DAAM2: variants seen among roughly 807,000 people sequenced by gnomAD.
DAAM2 encodes dishevelled associated activator of morphogenesis 2.
A neutral mutation model predicts 120.7 loss-of-function variants in DAAM2; 39 were observed. That is an observed-to-expected ratio of 0.32 (90% CI 0.25 to 0.42). The LOEUF (loss-of-function observed/expected upper bound fraction) is 0.42, where lower values mean the gene tolerates loss of function less well. Ranked by LOEUF, DAAM2 falls within the 10% of genes least tolerant of loss-of-function variation. DAAM2 has a pLI of 1.00. For synonymous variants in DAAM2, 488 were observed against 524.9 expected, an observed-to-expected ratio of 0.93 and a Z score of 0.96; for missense variants, 1,283 against 1,401.7, an observed-to-expected ratio of 0.92 and a Z score of 1.35.
intron 14 of DAAM2, chr6:39,881,854 A>C (rs905794586): frequency 2.0e-5 from 3 of 152,144 alleles, no homozygotes; most frequent in Non-Finnish European, 2.9e-5. Flanking sequence ...TGTTTGAAGT[A>C]TGTTATCTCA....
At position 39,879,368 on chromosome 6, in the gene DAAM2, T is replaced by G. The variant is rs562014629; in HGVS notation, c.1736T>G (p.Leu579Arg). 76 of 1,552,764 alleles carry G rather than the reference T, an allele frequency of 4.9e-5. No homozygotes were observed. The East Asian group carries it at 1.7e-3, about 34-fold the overall frequency. The change falls in exon 14 of 25, where the codon CTG becomes CGG. Residue 579 changes from leucine to arginine, a missense_variant. Coordinates refer to ENST00000274867, the MANE Select transcript of DAAM2 (RefSeq NM_001201427.2). ...PGAPPCLGMG[L>R]PLPQDPYPSS... is the part of the protein sequence containing the mutation. The stretch of plus-strand genomic sequence containing the variant: ...GCCCCACCTTGCCTCGGCATGGGCC[T>G]GCCCCTCCCTCAGGACCCCTACCCC...
chr6:39,801,829 T>G (rs1187438318), intron 1 of DAAM2, among the ~76,000 whole-genome samples: 1 of 152,212 alleles, frequency 6.6e-6, no homozygotes, highest in Non-Finnish European at 1.5e-5. Context: ...AACACTCCCT[T>G]CCTTGTTTCC....
At chr6:39,851,351 A>AGTTTTTGTGGCTTTT (rs1763800245) in intron 1 of DAAM2, among the ~76,000 whole-genome samples, 1 of 152,134 alleles carries the variant, frequency 6.6e-6, no homozygotes, top group African/African-American at 2.4e-5. Flanking sequence ...TCTGAACCAC[A>AGTTTTTGTGGCTTTT]GTTTTTGTGG....
intron 1 of DAAM2, chr6:39,856,006 T>C (rs1257922239): frequency 1.0e-6 from 1 of 984,194 alleles, no homozygotes; most frequent in Non-Finnish European, 1.2e-6. Context: ...TGAAAGTGTC[T>C]TGGCAGATAA....
intron 1 of DAAM2, among the ~76,000 whole-genome samples, chr6:39,834,135 C>A (rs1763018595): frequency 6.6e-6 from 1 of 152,260 alleles, no homozygotes; most frequent in African/African-American, 2.4e-5. Context: ...TGTGATGTAG[C>A]GCCTTGAATA....
In DAAM2 at chr6:39,809,341, C is replaced by T. The variant is rs1023073288; in HGVS notation, c.-57+16876C>T. On this transcript the variant is annotated intron_variant, in intron 1 of 24. Transcript: ENST00000274867. ...TAATTTACCTAGTTCATTGCTCTTC[C>T]GTGACCAACCTCACAGGCCTCAGTT... 7.2e-4 allele frequency among the ~76,000 whole-genome samples: 109 copies of T among 152,294 alleles called. 1 individual carries two copies. Among genetic ancestry groups the T allele is most frequent in the African/African-American group, 2.1e-3 (87 of 41,556 alleles).
At chr6:39,888,619 G>C in intron 16 of DAAM2, 60 bp from the exon 17 acceptor site, 1 of 1,462,872 alleles carries the variant, frequency 6.8e-7, no homozygotes, top group South Asian at 1.2e-5. Context: ...GGCGGAGGTG[G>C]TACCTTTTGG....
intron 1 of DAAM2, among the ~76,000 whole-genome samples, chr6:39,813,165 T>C (rs1762213575): frequency 6.6e-6 from 1 of 151,740 alleles, no homozygotes; most frequent in South Asian, 2.1e-4. Flanking sequence ...TGTGTGTGTG[T>C]GCGTGTGTGT....
At chr6:39,793,026 G>T (rs184452292) in intron 1 of DAAM2, 1 of 152,388 alleles carries the variant, frequency 6.6e-6, no homozygotes, top group Admixed American at 6.5e-5. Flanking sequence ...TCAGGAAAGG[G>T]GTCCCCGGAC....
At chr6:39,825,836 A>G (rs563110387) in intron 1 of DAAM2, among the ~76,000 whole-genome samples, 3 of 152,270 alleles carry the variant, frequency 2.0e-5, no homozygotes, top group African/African-American at 7.2e-5. Context: ...TGCACACTAC[A>G]TGCAGTGGTC....
chr6:39,839,469 A>T (rs955528625), intron 1 of DAAM2, among the ~76,000 whole-genome samples: 6 of 152,144 alleles, frequency 3.9e-5, no homozygotes, highest in Admixed American at 3.9e-4. Context: ...GAGAGAAGAG[A>T]GCTGGGAAAC....
chr6:39,898,776 C>A, intron 21 of DAAM2, 101 bp from the exon 22 acceptor site: 1 of 1,016,242 alleles, frequency 9.8e-7, no homozygotes, highest in Non-Finnish European at 1.5e-6. Context: ...CACCGACTCC[C>A]AGGCCACTGT....
chr6:39,896,038 A>ATT (rs71694195), intron 19 of DAAM2, among the ~76,000 whole-genome samples: 13,556 of 151,896 alleles, frequency 0.089, 1,232 homozygotes, highest in East Asian at 0.25. Context: ...TATTTAATTG[A>ATT]TTTTTTTTCT....
intron 1 of DAAM2, among the ~76,000 whole-genome samples, chr6:39,793,612 T>C (rs980226122): frequency 6.6e-6 from 1 of 152,192 alleles, no homozygotes; most frequent in Non-Finnish European, 1.5e-5. Flanking sequence ...CAAAGTCTTG[T>C]GTTTTCCCCC....
At chr6:39,815,235 C>CTTATAT (rs1194462224) in intron 1 of DAAM2, among the ~76,000 whole-genome samples, 1 of 152,180 alleles carries the variant, frequency 6.6e-6, no homozygotes, top group African/African-American at 2.4e-5. Flanking sequence ...GTGGTGGTGG[C>CTTATAT]TTATATTTTT....
intron 1 of DAAM2, among the ~76,000 whole-genome samples, chr6:39,846,720 G>C (rs577647088): frequency 2.7e-5 from 4 of 148,856 alleles, no homozygotes; most frequent in African/African-American, 5.0e-5. Context: ...TTTTTGAGAC[G>C]GGGTCTCGCT....
At chr6:39,886,182 G>C in intron 15 of DAAM2, 1 of 382,308 alleles carries the variant, frequency 2.6e-6, no homozygotes, top group Non-Finnish European at 4.6e-6. Context: ...CTAGGCAGAT[G>C]GGAGGAGCTG....
intron 1 of DAAM2, among the ~76,000 whole-genome samples, chr6:39,815,835 C>T (rs1184800641): frequency 6.6e-6 from 1 of 152,200 alleles, no homozygotes; most frequent in Admixed American, 6.5e-5. Flanking sequence ...TCTTCCTCCT[C>T]TCTCCCTTGG....
At chr6:39,845,069 C>T (rs972609031) in intron 1 of DAAM2, among the ~76,000 whole-genome samples, 1 of 145,284 alleles carries the variant, frequency 6.9e-6, no homozygotes, top group African/African-American at 2.5e-5. Context: ...TACACCCTTA[C>T]CACACATACA....
Sources: allele counts gnomAD v4.1 joint callset (sites outside exome capture counted in the v4.1 genomes callset), GRCh38; gene constraint gnomAD v4.1.1; transcripts MANE v1.5; gene names NCBI Gene and HGNC (gene_info 2026-07-23, HGNC 2026-07-21).